The following DCDC2B variants were observed in gnomAD, a reference collection of about 807,000 sequenced individuals.
The protein encoded by DCDC2B is doublecortin domain containing 2B.
In DCDC2B, 41 loss-of-function variants were observed where a neutral mutation model predicts 38.9. The observed-to-expected ratio is 1.05, with a 90% CI of 0.82 to 1.37. The LOEUF (loss-of-function observed/expected upper bound fraction) is 1.37, where lower values mean the gene tolerates loss of function less well. Among genes scored for constraint, DCDC2B ranks in the 40% most tolerant of loss-of-function variants. DCDC2B has a pLI of 0.00. For synonymous variants in DCDC2B, 181 were observed against 171.9 expected, an observed-to-expected ratio of 1.05 and a Z score of -0.41; for missense variants, 453 against 427.2, an observed-to-expected ratio of 1.06 and a Z score of -0.53.
At chr1:32,210,827 G>A (rs1017113094) in intron 1 of DCDC2B, among the ~76,000 whole-genome samples, 1 of 151,932 alleles carries the variant, frequency 6.6e-6, no homozygotes, top group South Asian at 2.1e-4. Flanking sequence ...CAATCCTCCT[G>A]CCTCAGCCTC....
intron 6 of DCDC2B, among the ~76,000 whole-genome samples, chr1:32,213,022 G>A (rs990846138): frequency 6.6e-6 from 1 of 152,006 alleles, no homozygotes; most frequent in African/African-American, 2.4e-5. Flanking sequence ...TCAGCCTCCT[G>A]AGTAGCTGGG....
At chr1:32,212,363 A>C in intron 4 of DCDC2B, 127 bp from the exon 5 acceptor site, 1 of 1,517,494 alleles carries the variant, frequency 6.6e-7, no homozygotes, top group Non-Finnish European at 8.9e-7. Flanking sequence ...CCTCAGAGGC[A>C]GGGTAGAGCC....
chr1:32,214,767 C>G (rs771534925), intron 6 of DCDC2B, 30 bp from the exon 7 acceptor site: 1 of 1,612,616 alleles, frequency 6.2e-7, no homozygotes, highest in East Asian at 2.2e-5. Flanking sequence ...GGCCAGCAAT[C>G]AGGGTCCAAG....
rs773204961 is a variant in DCDC2B, at chr1:32,212,126, C to A, written c.452C>A (p.Ala151Asp). 3 of 1,613,812 alleles carry A rather than the reference C, an allele frequency of 1.9e-6. No homozygotes were observed. The highest frequency in any genetic ancestry group is 1.1e-5 in the South Asian group (1 of 91,074). ...SPPFSLKLSQAASQDWETVLK... is the reference protein window; with the variant it reads ...SPPFSLKLSQDASQDWETVLK... ...CCATTTAGTCTGAAGCTGTCCCAGG[C>A]TGCCAGCCAGGACTGGGAAACTGTG... The change falls in exon 4 of 9, where the codon GCT becomes GAT. Residue 151 changes from alanine to aspartate, a missense_variant. Transcript: ENST00000409358.
chr1:32,215,531 G>T lies in DCDC2B; in HGVS notation c.942G>T (p.Glu314Asp). Residue 314 changes from glutamate to aspartate, a missense_variant, in exon 8 of 9, where the codon GAG (glutamate) becomes GAT (aspartate). Coordinates refer to ENST00000409358, the MANE Select transcript of DCDC2B (RefSeq NM_001099434.2). The part of the protein sequence containing the change: ...VADDEDTQTE[E>D]PLDQRAAQIV... ...ATGATGAAGACACTCAGACAGAGGA[G>T]CCCTTGGATCAGGTAAGCTGTTGGA... 6.2e-7 allele frequency: 1 copy of T among 1,613,528 alleles called. No individual in the cohort carries two copies. Among genetic ancestry groups the T allele is most frequent in the Non-Finnish European group, 8.5e-7 (1 of 1,179,658 alleles).
rs778218018 is a variant in DCDC2B, at chr1:32,212,490, ACT to A, written c.531_532del (p.Cys178HisfsTer26). 1.2e-5 allele frequency: 20 copies of A among 1,613,628 alleles called. No homozygotes were observed. The highest frequency in any genetic ancestry group is 1.5e-5 in the Non-Finnish European group (18 of 1,179,808). ...TATCCTCCTCACCTCTCTCTCCCAG[ACT>A]CTGCACCCTAGAGGGGCTCCCACTG... The part of the protein sequence containing the change: ...VKLQSGAVCK[L>X]CTLEGLPLSA... On this transcript the variant is annotated frameshift_variant and splice_region_variant, in exon 5 of 9. Coordinates refer to ENST00000409358, the MANE Select transcript of DCDC2B (RefSeq NM_001099434.2). LOFTEE classifies it high-confidence loss of function.
chr1:32,216,158 G>C lies in DCDC2B; in HGVS notation c.*261G>C. On this transcript the variant is annotated 3_prime_UTR_variant, in exon 9 of 9. Transcript: ENST00000409358. Reference sequence around the variant, plus strand: ...GAAAGGAGTAGCTGACTAAGCCTGGGAGAGGGTTTGTCACAATAAAAGAAT... The same window carrying C: ...GAAAGGAGTAGCTGACTAAGCCTGGCAGAGGGTTTGTCACAATAAAAGAAT... The C allele has an allele frequency of 2.7e-6, 2 of 730,350 alleles. No homozygotes were observed. The highest frequency in any genetic ancestry group is 2.2e-6 in the Non-Finnish European group (1 of 456,832). 45.2% of individuals were successfully genotyped at this position (730,350 alleles called of 1,614,324 possible).
Position 32,212,193 on chromosome 1 carries a change from T to C in DCDC2B, c.519T>C (p.Ala173=). ...AGAAGGTCAAGTTGCAGAGTGGGGC[T>C]GTGTGCAAGTGAGTATGGGGACTGC... ...LTEKVKLQSG[A]VCKLCTLEGL... is the part of the protein sequence containing the mutation. Residue 173 remains alanine, a synonymous_variant, in exon 4 of 9, where the codon GCT becomes GCC. Coordinates refer to ENST00000409358, the MANE Select transcript of DCDC2B (RefSeq NM_001099434.2). 1 of 1,613,188 alleles carries C rather than the reference T, an allele frequency of 6.2e-7. No homozygotes were observed. Among genetic ancestry groups the C allele is most frequent in the South Asian group, 1.1e-5 (1 of 91,032 alleles).
At chr1:32,210,775 C>CGCGATCATGGCTCACTGCA (rs1410113153) in intron 1 of DCDC2B, among the ~76,000 whole-genome samples, 1 of 151,864 alleles carries the variant, frequency 6.6e-6, no homozygotes, top group Non-Finnish European at 1.5e-5. Flanking sequence ...AGTGCACTGG[C>CGCGATCATGGCTCACTGCA]GCGATCATGG....
chr1:32,209,497 T>A, intron 1 of DCDC2B, 138 bp downstream of exon 1: 1 of 1,255,538 alleles, frequency 8.0e-7, no homozygotes, highest in Non-Finnish European at 1.1e-6. Flanking sequence ...TTTGCCTCCA[T>A]TAGAAAGGGA....
chr1:32,214,619 G>A (rs1569774806), intron 6 of DCDC2B, 178 bp from the exon 7 acceptor site: 2 of 833,144 alleles, frequency 2.4e-6, no homozygotes, highest in Non-Finnish European at 3.7e-6. Context: ...TCTGTCCCTG[G>A]ATAAGTCAGG....
At chr1:32,215,768 G>C (rs552147569) in intron 8 of DCDC2B, 34 bp from the exon 9 acceptor site, 2 of 1,486,010 alleles carry the variant, frequency 1.3e-6, no homozygotes, top group South Asian at 1.3e-5. Context: ...CCATACTCAC[G>C]GCTCCATTCT....
intron 3 of DCDC2B, 39 bp downstream of exon 3, chr1:32,211,876 G>C: frequency 6.3e-7 from 1 of 1,578,468 alleles, no homozygotes; most frequent in Non-Finnish European, 8.6e-7. Context: ...GTTGATGTTT[G>C]TTTTAGTAAG....
chr1:32,212,314 C>T, intron 4 of DCDC2B, 113 bp downstream of exon 4: 1 of 1,549,714 alleles, frequency 6.5e-7, no homozygotes, highest in Non-Finnish European at 8.8e-7. Flanking sequence ...CCACATGGGA[C>T]TTCCCCCTAT....
intron 1 of DCDC2B, among the ~76,000 whole-genome samples, chr1:32,210,325 T>TAAAAAA (rs905848009): frequency 1.3e-5 from 1 of 78,746 alleles, no homozygotes; most frequent in Non-Finnish European, 2.5e-5. Flanking sequence ...AAACTCCATC[T>TAAAAAA]AAAAAAAAAA....
rs773196452 is a variant in DCDC2B at position 32,209,124 on chromosome 1, G to A, written c.31G>A (p.Val11Ile). 19 of 1,613,984 alleles carry A rather than the reference G, an allele frequency of 1.2e-5. No individual in the cohort carries two copies. The South Asian group carries it at 2.1e-4, about 18-fold the overall frequency. MAGGSPAAKR[V>I]VVYRNGDPFF... ...AGGTGGCAGTCCAGCAGCCAAGAGGGTAGTGGTGTACCGGAATGGGGACCC... is the reference window on the plus strand; with the variant it reads ...AGGTGGCAGTCCAGCAGCCAAGAGGATAGTGGTGTACCGGAATGGGGACCC... The change falls in exon 1 of 9, where the codon GTA becomes ATA. Residue 11 changes from valine to isoleucine, a missense_variant. Physicochemically the swap from Val to Ile is conservative, Grantham distance 29 (BLOSUM62 3). Transcript: ENST00000409358.
In DCDC2B at chr1:32,214,932, G is replaced by A. The variant is rs1638256572; in HGVS notation, c.850G>A (p.Gly284Arg). The A allele has an allele frequency of 6.2e-7, 1 of 1,613,936 alleles. No homozygotes were observed. Among genetic ancestry groups the A allele is most frequent in the East Asian group, 2.2e-5 (1 of 44,878 alleles). ...GCTCCCCACACTCTCATTCCCATCAGGTGAGGGGTCCCTGGGGCTCAGGCC... is the reference window on the plus strand; with the variant it reads ...GCTCCCCACACTCTCATTCCCATCAAGTGAGGGGTCCCTGGGGCTCAGGCC... The part of the protein sequence containing the change: ...SKLPTLSFPS[G>R]VIGVYGAPHR... The change falls in exon 7 of 9, where the codon GGA becomes AGA. Residue 284 changes from glycine (G) to arginine (R), a missense_variant and splice_region_variant. Physicochemically the swap from Gly to Arg is moderately radical, Grantham distance 125. Coordinates refer to ENST00000409358, the MANE Select transcript of DCDC2B (RefSeq NM_001099434.2).
In DCDC2B at chr1:32,216,032, C is replaced by T; in HGVS notation, c.*135C>T. ...GTACACTGCGGCCTCCTCAGCCCTCCCCGTTCTCCTGCTCCTAAACCCACA... is the reference window on the plus strand; with the variant it reads ...GTACACTGCGGCCTCCTCAGCCCTCTCCGTTCTCCTGCTCCTAAACCCACA... On this transcript the variant is annotated 3_prime_UTR_variant, in exon 9 of 9. Coordinates refer to ENST00000409358, the MANE Select transcript of DCDC2B (RefSeq NM_001099434.2). 1 of 799,488 alleles carries T rather than the reference C, an allele frequency of 1.3e-6. No homozygotes were observed. The highest frequency in any genetic ancestry group is 2.0e-6 in the Non-Finnish European group (1 of 492,858). The allele number at this position is 799,488 out of a possible 1,614,324, so 49.5% of individuals were successfully genotyped here.
intron 1 of DCDC2B, among the ~76,000 whole-genome samples, chr1:32,209,596 C>CA (rs1488585495): frequency 6.6e-6 from 1 of 152,126 alleles, no homozygotes; most frequent in Non-Finnish European, 1.5e-5. Context: ...TGTTTATGCC[C>CA]ATCACAGCCA....
Sources: allele counts gnomAD v4.1 joint callset (sites outside exome capture counted in the v4.1 genomes callset), GRCh38; gene constraint gnomAD v4.1.1; transcripts MANE v1.5; gene names NCBI Gene and HGNC (gene_info 2026-07-23, HGNC 2026-07-21).